Variants in CFAP57 observed in about 807,000 individuals in gnomAD.
CFAP57 encodes the protein cilia- and flagella-associated protein 57.
In CFAP57, 116 loss-of-function variants were observed where a neutral mutation model predicts 146.8. That is an observed-to-expected ratio of 0.79 (90% confidence interval 0.68 to 0.92). The LOEUF is 0.92. Ranked by LOEUF, CFAP57 falls within the 40% of genes least tolerant of loss-of-function variation. The pLI is 0.00. For missense variants in CFAP57, 1,377 were observed against 1,527.2 expected (o/e 0.90, Z 1.64); for synonymous variants, 518 against 552.8 (o/e 0.94, Z 0.88).
intron 21 of CFAP57, among the ~76,000 whole-genome samples, chr1:43,236,590 T>TTAAA (rs1553187080): frequency 4.8e-5 from 2 of 41,802 alleles, no homozygotes; most frequent in African/African-American, 2.4e-4. Flanking sequence ...GAATAAGTGC[T>TTAAA]AAAAAAAAAA....
intron 22 of CFAP57, among the ~76,000 whole-genome samples, chr1:43,247,650 CA>C (rs527456223): frequency 8.7e-4 from 132 of 152,246 alleles, no homozygotes; most frequent in Non-Finnish European, 1.1e-3. Context: ...GTTAATTATC[CA>C]AATTTCTCCA....
intron 2 of CFAP57, among the ~76,000 whole-genome samples, chr1:43,173,600 A>G (rs751896359): frequency 6.6e-6 from 1 of 152,158 alleles, no homozygotes; most frequent in Admixed American, 6.5e-5. Context: ...CATCAGTTCA[A>G]TGTCATGCTT....
intron 17 of CFAP57, among the ~76,000 whole-genome samples, chr1:43,225,102 C>T (rs974701896): frequency 6.6e-6 from 1 of 151,560 alleles, no homozygotes; most frequent in Non-Finnish European, 1.5e-5. Context: ...TAGGGAAGAT[C>T]CAAAGCTCTG....
chr1:43,192,989 C>T (rs917131667), intron 6 of CFAP57, among the ~76,000 whole-genome samples: 1 of 151,982 alleles, frequency 6.6e-6, no homozygotes, highest in Admixed American at 6.6e-5. Context: ...TATTGTTGAG[C>T]TGTCTATTTT....
At chr1:43,231,985 C>T (rs1015340585) in intron 18 of CFAP57, 2 of 633,682 alleles carry the variant, frequency 3.2e-6, no homozygotes, top group African/African-American at 1.8e-5. Context: ...GGCTGAGGCC[C>T]CTTCTCAGCT....
chr1:43,253,724 TG>T (rs1646376732), intron 22 of CFAP57, among the ~76,000 whole-genome samples: 1 of 151,464 alleles, frequency 6.6e-6, no homozygotes, highest in African/African-American at 2.4e-5. Flanking sequence ...CAGGCGGATC[TG>T]GGGGCTCAGG....
chr1:43,195,908 A>G (rs953624408), intron 6 of CFAP57, among the ~76,000 whole-genome samples: 6 of 152,368 alleles, frequency 3.9e-5, no homozygotes, highest in Non-Finnish European at 7.3e-5. Context: ...AATTTGTCTT[A>G]TATGAATTTA....
At chr1:43,177,062 C>T (rs1262663650) in intron 2 of CFAP57, 1 of 449,730 alleles carries the variant, frequency 2.2e-6, no homozygotes, top group Non-Finnish European at 4.5e-6. Context: ...TACTCAGAGT[C>T]AAATGAGAAG....
intron 15 of CFAP57, 67 bp from the exon 16 acceptor site, chr1:43,222,757 G>T: frequency 6.9e-7 from 1 of 1,459,362 alleles, no homozygotes; most frequent in Non-Finnish European, 9.1e-7. Context: ...CTCACCTCAA[G>T]CCCTGTTGGC....
At chr1:43,173,707 C>A (rs531750271) in intron 2 of CFAP57, among the ~76,000 whole-genome samples, 1 of 152,260 alleles carries the variant, frequency 6.6e-6, no homozygotes, top group Admixed American at 6.5e-5. Flanking sequence ...TATGTATTCA[C>A]TCTAATATTG....
chr1:43,172,486 A>G, intron 1 of CFAP57, 33 bp downstream of exon 1: 1 of 1,494,166 alleles, frequency 6.7e-7, no homozygotes, highest in Non-Finnish European at 9.0e-7. Flanking sequence ...CGCCAGAAGG[A>G]GCTGGTAGCA....
chr1:43,197,802 T>C, intron 7 of CFAP57, 110 bp downstream of exon 7: 1 of 1,459,390 alleles, frequency 6.9e-7, no homozygotes, highest in Non-Finnish European at 9.4e-7. Flanking sequence ...AAGCTTTCAG[T>C]TGGAAAAGAT....
chr1:43,200,733 T>C (rs1290028914), intron 9 of CFAP57, among the ~76,000 whole-genome samples: 1 of 152,192 alleles, frequency 6.6e-6, no homozygotes. Flanking sequence ...TTGGTTCATA[T>C]GGCTGGAACA....
chr1:43,195,351 G>A (rs1431050622), intron 6 of CFAP57, among the ~76,000 whole-genome samples: 4 of 151,876 alleles, frequency 2.6e-5, no homozygotes, highest in African/African-American at 7.3e-5. Context: ...GTGAAACCCC[G>A]TCTCTACTAA....
At chr1:43,249,687 C>T (rs564084089) in intron 22 of CFAP57, among the ~76,000 whole-genome samples, 23 of 150,280 alleles carry the variant, frequency 1.5e-4, no homozygotes, top group East Asian at 7.8e-4. Context: ...TCAGCCAATC[C>T]GCCCACCTCG....
intron 2 of CFAP57, chr1:43,177,315 G>A (rs1009304128): frequency 4.1e-5 from 17 of 417,236 alleles, no homozygotes; most frequent in Middle Eastern, 3.8e-4. Flanking sequence ...GACACCATGT[G>A]GGGTGGAAGC....
chr1:43,210,032 T>A (rs1644532707), intron 11 of CFAP57, 116 bp downstream of exon 11: 1 of 1,613,912 alleles, frequency 6.2e-7, no homozygotes, highest in African/African-American at 1.3e-5. Flanking sequence ...TATTTATTCA[T>A]CCATCATTCA....
At chr1:43,226,058 A>G (rs1645231966) in intron 17 of CFAP57, among the ~76,000 whole-genome samples, 2 of 152,216 alleles carry the variant, frequency 1.3e-5, no homozygotes, top group South Asian at 4.1e-4. Context: ...CTGTAATCCA[A>G]GCTACTCTGG....
chr1:43,227,103 GT>G lies in CFAP57; in HGVS notation c.2987del (p.Val996GlyfsTer2). 6.5e-7 allele frequency: 1 copy of G among 1,541,266 alleles called. No individual in the cohort carries two copies. Among genetic ancestry groups the G allele is most frequent in the Admixed American group, 2.0e-5 (1 of 49,600 alleles). Reference sequence around the variant, plus strand: ...AGAACCTCGAGAGAATGAGATCAGGGTGATGAAGGAACAGATTCAGGAGGTA... The same window carrying G: ...AGAACCTCGAGAGAATGAGATCAGGGGATGAAGGAACAGATTCAGGAGGTA... ...QIEPRENEIR[V>X]MKEQIQEMEA... On this transcript the variant is annotated frameshift_variant, in exon 18 of 23. Coordinates refer to ENST00000372492, the MANE Select transcript of CFAP57 (RefSeq NM_001378189.1). LOFTEE classifies it high-confidence loss of function.
Sources: gnomAD v4.1 joint callset for allele counts (sites outside exome capture counted in the v4.1 genomes callset) on GRCh38, gnomAD v4.1.1 for gene constraint, MANE v1.5 for transcripts, NCBI Gene and HGNC (gene_info 2026-07-23, HGNC 2026-07-21) for gene names.